The following SND1 variants were observed in gnomAD, a reference collection of about 807,000 sequenced individuals.
The protein encoded by SND1 is staphylococcal nuclease domain-containing protein 1.
Under a neutral mutation model 121.7 loss-of-function variants are expected in SND1, and 38 were observed. The ratio of observed to expected loss-of-function variants is 0.31; its 90% CI spans 0.24 to 0.41. The LOEUF (loss-of-function observed/expected upper bound fraction) is 0.41. Among genes scored for constraint, SND1 ranks in the 10% least tolerant of loss-of-function variants. The pLI, the probability that SND1 is intolerant of heterozygous loss-of-function variation, is 1.00. For synonymous variants in SND1, 401 were observed against 447.4 expected, an observed-to-expected ratio of 0.90 and a Z score of 1.31; for missense variants, 868 against 1,184.6, an observed-to-expected ratio of 0.73 and a Z score of 3.92.
intron 16 of SND1, among the ~76,000 whole-genome samples, chr7:128,048,496 G>A (rs1187263991): frequency 6.6e-6 from 1 of 152,178 alleles, no homozygotes; most frequent in African/African-American, 2.4e-5. Context: ...GGTTTGAAAC[G>A]ACAAATGTTA....
At chr7:127,751,535 C>T (rs962582509) in intron 10 of SND1, among the ~76,000 whole-genome samples, 4 of 152,084 alleles carry the variant, frequency 2.6e-5, no homozygotes, top group African/African-American at 9.7e-5. Context: ...CTGAGGCTTA[C>T]CAGTTAAAAA....
intron 1 of SND1, among the ~76,000 whole-genome samples, chr7:127,680,812 A>G (rs1795710525): frequency 6.6e-6 from 1 of 151,622 alleles, no homozygotes; most frequent in Admixed American, 6.6e-5. Context: ...AGACAGGCAT[A>G]GGAAATCACA....
intron 12 of SND1, among the ~76,000 whole-genome samples, chr7:127,852,552 G>A (rs1799185670): frequency 1.3e-5 from 2 of 151,290 alleles, no homozygotes; most frequent in Non-Finnish European, 1.5e-5. Flanking sequence ...GCTCACGCCT[G>A]TAATCCAAGC....
At chr7:127,672,066 A>G (rs370181182) in intron 1 of SND1, among the ~76,000 whole-genome samples, 2 of 152,234 alleles carry the variant, frequency 1.3e-5, no homozygotes, top group African/African-American at 4.8e-5. Context: ...AAATAACAGT[A>G]ACAGTGCTGA....
intron 17 of SND1, among the ~76,000 whole-genome samples, chr7:128,076,134 C>T (rs991161323): frequency 6.6e-6 from 1 of 152,198 alleles, no homozygotes; most frequent in Non-Finnish European, 1.5e-5. Flanking sequence ...CTGGGCGATC[C>T]TCTACCCTCT....
intron 13 of SND1, among the ~76,000 whole-genome samples, chr7:127,890,966 T>C (rs771205207): frequency 1.3e-5 from 2 of 152,112 alleles, no homozygotes; most frequent in Non-Finnish European, 2.9e-5. Context: ...CCTTTGCCCA[T>C]GAGGCATTGC....
At chr7:127,764,959 T>C (rs927669337) in intron 10 of SND1, among the ~76,000 whole-genome samples, 2 of 152,130 alleles carry the variant, frequency 1.3e-5, no homozygotes, top group Non-Finnish European at 1.5e-5. Flanking sequence ...GTTTCCCCCT[T>C]GAATAGAGAT....
At chr7:127,697,338 C>T (rs1369335878) in intron 3 of SND1, among the ~76,000 whole-genome samples, 4 of 152,150 alleles carry the variant, frequency 2.6e-5, no homozygotes, top group African/African-American at 4.8e-5. Context: ...TTTTTGCAGG[C>T]GCATTCAGAA....
intron 16 of SND1, among the ~76,000 whole-genome samples, chr7:128,037,085 A>T (rs1584755048): frequency 1.3e-5 from 2 of 152,204 alleles, no homozygotes; most frequent in Non-Finnish European, 2.9e-5. Flanking sequence ...ATGAGTGACT[A>T]AATTTGTTTC....
chr7:127,690,034 A>G (rs987911110), intron 2 of SND1, among the ~76,000 whole-genome samples: 2 of 149,422 alleles, frequency 1.3e-5, no homozygotes, highest in African/African-American at 4.9e-5. Context: ...TAATACTGCT[A>G]TTCTTTGTTC....
intron 11 of SND1, among the ~76,000 whole-genome samples, chr7:127,808,306 G>A (rs1213375769): frequency 6.6e-6 from 1 of 152,018 alleles, no homozygotes; most frequent in Non-Finnish European, 1.5e-5. Flanking sequence ...GGGACTGCAG[G>A]TATGCACCAC....
Position 128,020,159 on chromosome 7 carries a change from A to C in SND1, c.1779+29103A>C, listed in dbSNP as rs574309132. Among the ~76,000 whole-genome samples, 191 of 152,346 alleles carry C rather than the reference A, an allele frequency of 1.3e-3. 5 individuals are homozygous for C. In the South Asian group the frequency reaches 0.038, roughly 30 times the overall value. ...CTGCCATCAGAGCACACATGCCCTG[A>C]AGAGAAAGGAAAGTTGCCTGATTTC... On this transcript the variant is annotated intron_variant, in intron 16 of 23. Transcript: ENST00000354725.
intron 22 of SND1, 133 bp from the exon 23 acceptor site, chr7:128,091,704 G>C: frequency 1.1e-6 from 1 of 883,156 alleles, no homozygotes; most frequent in Non-Finnish European, 1.9e-6. Flanking sequence ...TTTACTCTGA[G>C]GGAACTAAGG....
intron 14 of SND1, among the ~76,000 whole-genome samples, chr7:127,910,444 C>G (rs1563055364): frequency 1.3e-5 from 2 of 149,110 alleles, no homozygotes; most frequent in African/African-American, 4.9e-5. Flanking sequence ...GACTCCATCT[C>G]AAAAAAAAAG....
At chr7:127,758,021 C>T (rs951209227) in intron 10 of SND1, among the ~76,000 whole-genome samples, 1 of 152,168 alleles carries the variant, frequency 6.6e-6, no homozygotes, top group African/African-American at 2.4e-5. Context: ...CGCTATGCCG[C>T]AAGATCTTCC....
chr7:128,059,814 G>T (rs1285652201), intron 16 of SND1, among the ~76,000 whole-genome samples: 1 of 152,176 alleles, frequency 6.6e-6, no homozygotes, highest in Non-Finnish European at 1.5e-5. Context: ...AAACAAAAGA[G>T]CCCTGCCAAG....
intron 14 of SND1, among the ~76,000 whole-genome samples, chr7:127,922,195 T>TTTTG (rs1563059014): frequency 2.5e-5 from 2 of 81,462 alleles, no homozygotes; most frequent in Non-Finnish European, 6.0e-5. Context: ...TTTTTTTTTT[T>TTTTG]TTTTTTTTGT....
At chr7:127,964,142 T>G (rs1487139928) in intron 15 of SND1, among the ~76,000 whole-genome samples, 2 of 149,414 alleles carry the variant, frequency 1.3e-5, no homozygotes, top group African/African-American at 2.5e-5. Context: ...TCATTGTAGA[T>G]TCTGGATATT....
intron 12 of SND1, among the ~76,000 whole-genome samples, chr7:127,860,859 A>G (rs754037117): frequency 4.6e-5 from 7 of 152,214 alleles, no homozygotes; most frequent in African/African-American, 1.2e-4. Flanking sequence ...TTCAGGCTCA[A>G]TGTCAGTTGG....
Sources: gnomAD v4.1 joint callset for allele counts (sites outside exome capture counted in the v4.1 genomes callset) on GRCh38, gnomAD v4.1.1 for gene constraint, MANE v1.5 for transcripts, NCBI Gene and HGNC (gene_info 2026-07-23, HGNC 2026-07-21) for gene names.